The following TMPRSS15 variants were observed in gnomAD, a reference collection of about 807,000 sequenced individuals.
TMPRSS15 encodes the protein transmembrane serine protease 15.
Under a neutral mutation model 125.3 loss-of-function variants are expected in TMPRSS15, and 128 were observed. The ratio of observed to expected loss-of-function variants is 1.02; its 90% CI spans 0.89 to 1.18. The LOEUF is 1.18. TMPRSS15 is among the 50% of genes most tolerant of loss of function. TMPRSS15 has a pLI of 0.00. For synonymous variants in TMPRSS15, 446 were observed against 423.2 expected, an observed-to-expected ratio of 1.05 and a Z score of -0.66; for missense variants, 1,283 against 1,212.7, an observed-to-expected ratio of 1.06 and a Z score of -0.86.
In TMPRSS15 at chr21:18,343,571, C is replaced by T; in HGVS notation, c.1363G>A (p.Glu455Lys). 8 of 1,613,268 alleles carry T rather than the reference C, an allele frequency of 5.0e-6. No individual in the cohort carries two copies. The highest frequency in any genetic ancestry group is 5.9e-6 in the Non-Finnish European group (7 of 1,179,402). ...QNMEKTVFQK[E>K]GNYGDNWNYG... The stretch of plus-strand genomic sequence containing the variant: ...TTCCAATTGTCTCCATAATTTCCTT[C>T]CTTTTGGAAAACTGTCTTCTCCATA... Residue 455 changes from glutamate (E) to lysine (K), a missense_variant, in exon 12 of 25, where the codon GAA becomes AAA. Coordinates refer to ENST00000284885, the MANE Select transcript of TMPRSS15 (RefSeq NM_002772.3).
intron 15 of TMPRSS15, 127 bp downstream of exon 15, chr21:18,329,042 C>T (rs906404090): frequency 1.9e-6 from 2 of 1,041,348 alleles, no homozygotes; most frequent in African/African-American, 3.2e-5. Context: ...AAACTCATGT[C>T]ACTTTACTAT....
intron 3 of TMPRSS15, among the ~76,000 whole-genome samples, chr21:18,389,105 A>T (rs1156708720): frequency 6.6e-6 from 1 of 151,698 alleles, no homozygotes; most frequent in Non-Finnish European, 1.5e-5. Flanking sequence ...AAAGAAGAAA[A>T]AAAGAGAAAG....
chr21:18,410,499 GT>G (rs1416678484), intron 1 of TMPRSS15, among the ~76,000 whole-genome samples: 1 of 151,584 alleles, frequency 6.6e-6, no homozygotes, highest in Non-Finnish European at 1.5e-5. Flanking sequence ...CCAGTCACCT[GT>G]TTTTCTACAG....
At chr21:18,376,816 C>T (rs1307625274) in intron 5 of TMPRSS15, among the ~76,000 whole-genome samples, 2 of 152,110 alleles carry the variant, frequency 1.3e-5, no homozygotes, top group Non-Finnish European at 2.9e-5. Flanking sequence ...TAATTGGCAA[C>T]AAAAGCAGCT....
chr21:18,302,821 T>A (rs376936081), intron 18 of TMPRSS15, among the ~76,000 whole-genome samples: 8 of 152,284 alleles, frequency 5.3e-5, no homozygotes, highest in Admixed American at 2.0e-4. Context: ...AGAGGCAGAA[T>A]CTCTTCATGG....
chr21:18,352,743 T>A (rs746227659), intron 10 of TMPRSS15, among the ~76,000 whole-genome samples, 160 bp downstream of exon 10: 1 of 151,986 alleles, frequency 6.6e-6, no homozygotes, highest in Non-Finnish European at 1.5e-5. Context: ...TACTTGCCTG[T>A]TTGATTACCA....
At chr21:18,342,798 C>T (rs777674803) in intron 12 of TMPRSS15, among the ~76,000 whole-genome samples, 11 of 152,228 alleles carry the variant, frequency 7.2e-5, no homozygotes, top group Middle Eastern at 3.4e-3. Flanking sequence ...CACCAAGTCA[C>T]GGGGAAAATC....
rs180913390 is a variant in TMPRSS15, at chr21:18,421,031, G to C, written c.11-22702C>G. ...ATATGTACACTACATTTCTAAAAAG[G>C]GAGAGCTTGGAGAAACTAAGATATT... On this transcript the variant is annotated intron_variant, in intron 1 of 7. Coordinates refer to the TMPRSS15 transcript ENST00000422787. Among the ~76,000 whole-genome samples, 117 of 149,032 alleles carry C rather than the reference G, an allele frequency of 7.9e-4. No homozygotes were observed. In the Middle Eastern group the frequency reaches 0.01, roughly 13 times the overall value.
chr21:18,475,568 G>C (rs776956540), intron 1 of TMPRSS15, among the ~76,000 whole-genome samples: 1 of 152,142 alleles, frequency 6.6e-6, no homozygotes, highest in Admixed American at 6.5e-5. Context: ...CTCCAGCCTG[G>C]ATGACAGAGC....
In TMPRSS15 at chr21:18,352,990, C is replaced by T. The variant is rs753379130; in HGVS notation, c.1084G>A (p.Asp362Asn). The T allele has an allele frequency of 1.2e-6, 2 of 1,611,792 alleles. No individual in the cohort carries two copies. The highest frequency in any genetic ancestry group is 1.7e-6 in the Non-Finnish European group (2 of 1,178,828). The change falls in exon 10 of 25, where the codon GAT (aspartate) becomes AAT (asparagine). Residue 362 changes from aspartate to asparagine, a missense_variant. Coordinates refer to ENST00000284885, the MANE Select transcript of TMPRSS15 (RefSeq NM_002772.3). ...TGAATCCTTTCCCATTCATTATCAT[C>T]ATTTAGATCCTGGACCCAGAAACAA... ...GFCFWVQDLN[D>N]DNEWERIQGS... is the part of the protein sequence containing the mutation.
chr21:18,456,811 C>T (rs1349486763), intron 1 of TMPRSS15, among the ~76,000 whole-genome samples: 1 of 152,036 alleles, frequency 6.6e-6, no homozygotes, highest in Non-Finnish European at 1.5e-5. Flanking sequence ...TAAAGATTTT[C>T]AGAAATTTAT....
chr21:18,316,527 C>T (rs563161760), intron 16 of TMPRSS15, among the ~76,000 whole-genome samples: 6 of 152,178 alleles, frequency 3.9e-5, no homozygotes, highest in South Asian at 2.1e-4. Context: ...TTTGCCGTAT[C>T]GGTAATGTGA....
chr21:18,315,067 T>C (rs1277137549), intron 17 of TMPRSS15, 79 bp downstream of exon 17: 1 of 1,144,090 alleles, frequency 8.7e-7, no homozygotes, highest in African/African-American at 1.5e-5. Context: ...TAGACACAGT[T>C]ATAATCTTTC....
chr21:18,471,735 T>G (rs527776600), intron 1 of TMPRSS15, among the ~76,000 whole-genome samples: 1 of 152,078 alleles, frequency 6.6e-6, no homozygotes, highest in Non-Finnish European at 1.5e-5. Context: ...GCCCATACCA[T>G]AGGCAAAATC....
chr21:18,388,170 T>G (rs2075961764), intron 3 of TMPRSS15, among the ~76,000 whole-genome samples: 1 of 152,298 alleles, frequency 6.6e-6, no homozygotes, highest in Admixed American at 6.5e-5. Context: ...ACTTCTGATT[T>G]AATGGCAGCT....
At chr21:18,356,935 A>C (rs1167981111) in intron 8 of TMPRSS15, among the ~76,000 whole-genome samples, 1 of 151,778 alleles carries the variant, frequency 6.6e-6, no homozygotes, top group Admixed American at 6.6e-5. Context: ...CAGTATTAGA[A>C]ATATATTGTC....
intron 1 of TMPRSS15, among the ~76,000 whole-genome samples, chr21:18,414,448 G>T (rs1037961527): frequency 6.6e-6 from 1 of 152,120 alleles, no homozygotes; most frequent in Non-Finnish European, 1.5e-5. Context: ...ATGTTATACA[G>T]CAAATTTCTA....
intron 24 of TMPRSS15, among the ~76,000 whole-genome samples, chr21:18,272,727 AAAAT>A (rs951644769): frequency 1.3e-5 from 2 of 152,184 alleles, no homozygotes; most frequent in East Asian, 1.9e-4. Flanking sequence ...CTCTGACTCA[AAAAT>A]AAATAAATAA....
intron 1 of TMPRSS15, among the ~76,000 whole-genome samples, chr21:18,475,758 C>T (rs898855434): frequency 1.4e-4 from 21 of 152,162 alleles, no homozygotes; most frequent in African/African-American, 2.9e-4. Context: ...TCATTAGTCA[C>T]GACTAGCATG....
Sources: allele counts gnomAD v4.1 joint callset (sites outside exome capture counted in the v4.1 genomes callset), GRCh38; gene constraint gnomAD v4.1.1; transcripts MANE v1.5; gene names NCBI Gene and HGNC (gene_info 2026-07-23, HGNC 2026-07-21).